The following SCGB1D1 variants were observed in gnomAD, a reference collection of about 807,000 sequenced individuals.
SCGB1D1 encodes secretoglobin family 1D member 1, also known as lipophilin A (uteroglobin family member).
A neutral mutation model predicts 8.3 loss-of-function variants in SCGB1D1; 10 were observed. The ratio of observed to expected loss-of-function variants is 1.21; its 90% confidence interval spans 0.74 to 2.05. The LOEUF (loss-of-function observed/expected upper bound fraction) is 2.05. Ranked by LOEUF, SCGB1D1 falls within the 30% of genes most tolerant of loss-of-function variation. SCGB1D1 has a pLI of 0.00. For synonymous variants in SCGB1D1, 46 were observed against 41.7 expected (o/e 1.10, Z -0.39); for missense variants, 94 against 105.1 (o/e 0.89, Z 0.46).
intron 2 of SCGB1D1, among the ~76,000 whole-genome samples, chr11:62,192,768 C>A (rs78593450): frequency 6.6e-6 from 1 of 152,232 alleles, no homozygotes; most frequent in South Asian, 2.1e-4. Context: ...TCAGACTCCA[C>A]GCTCCCCTCC....
In SCGB1D1 at chr11:62,192,103, T is replaced by G. The variant is rs1411094361; in HGVS notation, c.103T>G (p.Leu35Val). The change falls in exon 2 of 3, where the codon TTA becomes GTA. Residue 35 changes from leucine (L) to valine (V), a missense_variant. By Grantham distance (32) the Leu-to-Val change is conservative. Transcript: ENST00000306238. ...TCTTGGTTCTGAAATCACAGGCTTC[T>G]TATTAGCTGGAAAACCTGTGTTCAA... ...QALGSEITGF[L>V]LAGKPVFKFQ... 1 of 1,613,104 alleles carries G rather than the reference T, an allele frequency of 6.2e-7. No individual in the cohort carries two copies. Among genetic ancestry groups the G allele is most frequent in the Non-Finnish European group, 8.5e-7 (1 of 1,179,264 alleles).
chr11:62,192,347 C>T (rs2298823), intron 2 of SCGB1D1, 104 bp downstream of exon 2: 12 of 1,003,830 alleles, frequency 1.2e-5, no homozygotes, highest in South Asian at 1.7e-5. Flanking sequence ...TGGTGGGGCA[C>T]CTGCCTTACT....
intron 1 of SCGB1D1, among the ~76,000 whole-genome samples, chr11:62,191,714 T>C (rs989943195): frequency 1.2e-4 from 19 of 152,198 alleles, no homozygotes; most frequent in Admixed American, 1.2e-3. Context: ...TGTCCAAGAC[T>C]AATAAAGTGT....
intron 2 of SCGB1D1, among the ~76,000 whole-genome samples, chr11:62,192,574 G>T (rs1465469519): frequency 2.6e-5 from 4 of 152,228 alleles, no homozygotes; most frequent in Non-Finnish European, 5.9e-5. Flanking sequence ...TCCACCTGGG[G>T]ACTTTCCTGA....
chr11:62,192,435 C>T (rs1229581150), intron 2 of SCGB1D1, among the ~76,000 whole-genome samples, 192 bp downstream of exon 2: 5 of 152,212 alleles, frequency 3.3e-5, no homozygotes, highest in Non-Finnish European at 7.3e-5. Flanking sequence ...CTCAGCTGCA[C>T]ACAGCCTCCT....
chr11:62,193,013 A>G (rs1411527599), intron 2 of SCGB1D1, among the ~76,000 whole-genome samples: 1 of 152,166 alleles, frequency 6.6e-6, no homozygotes, highest in Non-Finnish European at 1.5e-5. Flanking sequence ...CAGAATTCCC[A>G]CATGGGGAGG....
chr11:62,193,238 G>T (rs964353974), intron 2 of SCGB1D1, among the ~76,000 whole-genome samples, 161 bp from the exon 3 acceptor site: 2 of 152,054 alleles, frequency 1.3e-5, no homozygotes, highest in African/African-American at 4.8e-5. Flanking sequence ...GGAAAGGCTG[G>T]TCTAGGTCTA....
Position 62,192,125 on chromosome 11 carries a change from T to C in SCGB1D1, c.125T>C (p.Phe42Ser). 1 of 1,613,854 alleles carries C rather than the reference T, an allele frequency of 6.2e-7. No individual in the cohort carries two copies. The highest frequency in any genetic ancestry group is 1.1e-5 in the South Asian group (1 of 91,046). ...TGFLLAGKPV[F>S]KFQLAKFKAP... ...TTCTTATTAGCTGGAAAACCTGTGT[T>C]CAAGTTCCAACTTGCCAAATTTAAG... The change falls in exon 2 of 3, where the codon TTC (phenylalanine) becomes TCC (serine). Residue 42 changes from phenylalanine to serine, a missense_variant. Transcript: ENST00000306238.
rs549057596 is a variant in SCGB1D1, at chr11:62,190,233, T to G, written c.-52T>G. The G allele has an allele frequency of 9.9e-6, 16 of 1,611,880 alleles. No individual in the cohort carries two copies. The South Asian group carries it at 1.5e-4, about 16-fold the overall frequency. On this transcript the variant is annotated 5_prime_UTR_variant, in exon 1 of 3. Coordinates refer to ENST00000306238, the MANE Select transcript of SCGB1D1 (RefSeq NM_006552.2). ...GGCTCCACAGGCTCCCGGGGCTGAG[T>G]CTAAATCACTCATCATTGGTTAAAG...
chr11:62,192,213 T>A lies in SCGB1D1; in HGVS notation c.213T>A (p.Tyr71Ter). 1 of 1,612,520 alleles carries A rather than the reference T, an allele frequency of 6.2e-7. No homozygotes were observed. The highest frequency in any genetic ancestry group is 1.3e-5 in the African/African-American group (1 of 74,962). Reference protein sequence around the residue: ...EVKKCVDTMAYEKRVLITKTL... With the variant: ...EVKKCVDTMA ...AGAAATGCGTGGATACGATGGCCTA[T>A]GAGAAAAGAGTGCTAATTACAAAAA... The change falls in exon 2 of 3, where the codon TAT becomes TAA. Residue 71 changes from tyrosine (Y) to a stop codon, truncating the protein, a stop_gained. Transcript: ENST00000306238. LOFTEE classifies it low-confidence loss of function (END_TRUNC).
At chr11:62,192,446 G>A (rs376369622) in intron 2 of SCGB1D1, among the ~76,000 whole-genome samples, 8 of 152,282 alleles carry the variant, frequency 5.3e-5, no homozygotes, top group Admixed American at 3.9e-4. Context: ...ACAGCCTCCT[G>A]CATGTTCCTC....
In SCGB1D1 at chr11:62,190,297, G is replaced by A. The variant is rs147972283; in HGVS notation, c.13G>A (p.Val5Met). The change falls in exon 1 of 3, where the codon GTG (valine) becomes ATG (methionine). Residue 5 changes from valine (V) to methionine (M), a missense_variant. Transcript: ENST00000306238. ...AGAATAAGCCACCATGAGGCTGTCGGTGTGTCTCCTGCTGCTCACGCTGGC... is the reference window on the plus strand; with the variant it reads ...AGAATAAGCCACCATGAGGCTGTCGATGTGTCTCCTGCTGCTCACGCTGGC... Reference protein sequence around the residue: MRLSVCLLLLTLALC... With the variant: MRLSMCLLLLTLALC... The A allele has an allele frequency of 2.2e-5, 35 of 1,614,064 alleles. No homozygotes were observed. The highest frequency in any genetic ancestry group is 2.8e-5 in the Non-Finnish European group (33 of 1,180,026).
chr11:62,191,786 A>T (rs1025872643), intron 1 of SCGB1D1, among the ~76,000 whole-genome samples: 4 of 152,178 alleles, frequency 2.6e-5, no homozygotes, highest in African/African-American at 9.7e-5. Context: ...TTGGCCATCC[A>T]TCCAGAGAAG....
chr11:62,192,697 G>A (rs1003316543), intron 2 of SCGB1D1, among the ~76,000 whole-genome samples: 10 of 152,158 alleles, frequency 6.6e-5, no homozygotes, highest in African/African-American at 2.4e-4. Flanking sequence ...CAGATGCTGC[G>A]CTGGAGGGCT....
At chr11:62,190,550 C>A (rs7932927) in intron 1 of SCGB1D1, among the ~76,000 whole-genome samples, 3 of 151,958 alleles carry the variant, frequency 2.0e-5, no homozygotes, top group Non-Finnish European at 4.4e-5. Flanking sequence ...TCAATGCAGG[C>A]GAACGTTAGG....
rs1479306817 is a variant in SCGB1D1 at position 62,190,338 on chromosome 11, G to A, written c.54G>A (p.Arg18=). 3 of 1,614,054 alleles carry A rather than the reference G, an allele frequency of 1.9e-6. No homozygotes were observed. The highest frequency in any genetic ancestry group is 2.5e-6 in the Non-Finnish European group (3 of 1,180,022). Residue 18 remains arginine, a splice_region_variant and synonymous_variant, in exon 1 of 3, where the codon CGG becomes CGA. Coordinates refer to ENST00000306238, the MANE Select transcript of SCGB1D1 (RefSeq NM_006552.2). ...LLLTLALCCY[R]ANAVVCQALG... ...TCACGCTGGCCCTTTGCTGCTACCG[G>A]GGTGAGTACATCAGTCATGAGTCCA...
chr11:62,192,239 C>A lies in SCGB1D1; in HGVS notation c.239C>A (p.Thr80Lys), dbSNP rs1334354223. ...AYEKRVLITK[T>K]LGKIAEKCDR ...GAGAAAAGAGTGCTAATTACAAAAA[C>A]ATTGGTAATTTCTGTCTCTTTCATG... Residue 80 changes from threonine to lysine, a missense_variant, in exon 2 of 3, where the codon ACA (threonine) becomes AAA (lysine). Physicochemically the swap from Thr to Lys is moderately conservative, Grantham distance 78. Transcript: ENST00000306238. 2.5e-6 allele frequency: 4 copies of A among 1,602,038 alleles called. No individual in the cohort carries two copies. The East Asian group carries it at 6.7e-5, about 27-fold the overall frequency.
chr11:62,190,991 T>A (rs1312633714), intron 1 of SCGB1D1, among the ~76,000 whole-genome samples: 1 of 152,214 alleles, frequency 6.6e-6, no homozygotes, highest in South Asian at 2.1e-4. Context: ...ACTCAATATA[T>A]CTTCTAGGGG....
chr11:62,190,483 A>G (rs1944670204), intron 1 of SCGB1D1, 144 bp downstream of exon 1: 1 of 976,990 alleles, frequency 1.0e-6, no homozygotes, highest in Non-Finnish European at 1.5e-6. Flanking sequence ...GGAACTGCTC[A>G]TAAAGCTCGG....
Sources: gnomAD v4.1 joint callset for allele counts (sites outside exome capture counted in the v4.1 genomes callset) on GRCh38, gnomAD v4.1.1 for gene constraint, MANE v1.5 for transcripts, NCBI Gene and HGNC (gene_info 2026-07-23, HGNC 2026-07-21) for gene names.